GPC6: variants seen among roughly 807,000 people sequenced by gnomAD.
GPC6 encodes glypican-6.
GPC6 carries 14 observed loss-of-function variants against 55.2 expected under a neutral mutation model. The ratio of observed to expected loss-of-function variants is 0.25; its 90% CI spans 0.17 to 0.40. The LOEUF is 0.40. Ranked by LOEUF, GPC6 falls within the 10% of genes least tolerant of loss-of-function variation. The pLI is 1.00. For missense variants in GPC6, 641 were observed against 708.5 expected (o/e 0.90, Z 1.08); for synonymous variants, 278 against 259.6 (o/e 1.07, Z -0.68).
chr13:93,624,952 G>A (rs1018622506), intron 2 of GPC6, among the ~76,000 whole-genome samples: 12 of 152,210 alleles, frequency 7.9e-5, no homozygotes, highest in African/African-American at 2.9e-4. Context: ...GGAAAACCAA[G>A]CTCTGAGAGA....
intron 2 of GPC6, among the ~76,000 whole-genome samples, chr13:93,799,452 A>C (rs1327309457): frequency 1.3e-5 from 2 of 152,224 alleles, no homozygotes; most frequent in African/African-American, 4.8e-5. Context: ...TTTAGGCTAG[A>C]TACTTCTGTT....
At chr13:94,034,514 A>G (rs1239847247) in intron 4 of GPC6, among the ~76,000 whole-genome samples, 1 of 152,124 alleles carries the variant, frequency 6.6e-6, no homozygotes, top group Non-Finnish European at 1.5e-5. Flanking sequence ...CAGAAGCACA[A>G]TTTCTATTTT....
Position 93,397,368 on chromosome 13 carries a change from C to T in GPC6, c.161-147895C>T, listed in dbSNP as rs140128345. ...ATCTAATAAGTGTAAAGTGATATCT[C>T]ACTGTGGTTTTTATTTAGATTTCCC... On this transcript the variant is annotated intron_variant, in intron 1 of 8. Coordinates refer to ENST00000377047, the MANE Select transcript of GPC6 (RefSeq NM_005708.5). Among the ~76,000 whole-genome samples the T allele has an allele frequency of 1.3e-3, 195 of 152,256 alleles. 1 individual carries two copies. The highest frequency in any genetic ancestry group is 4.6e-3 in the African/African-American group (190 of 41,548).
chr13:93,533,181 G>A (rs1252889027), intron 1 of GPC6, among the ~76,000 whole-genome samples: 2 of 152,112 alleles, frequency 1.3e-5, no homozygotes, highest in Non-Finnish European at 2.9e-5. Context: ...TTAAGGAAAT[G>A]AACTGGAACA....
At chr13:94,104,183 C>G (rs1246985104) in intron 4 of GPC6, among the ~76,000 whole-genome samples, 1 of 152,132 alleles carries the variant, frequency 6.6e-6, no homozygotes, top group East Asian at 1.9e-4. Context: ...TGTCGAAATT[C>G]AGATGGTTGT....
At chr13:93,335,382 G>A (rs746595934) in intron 1 of GPC6, among the ~76,000 whole-genome samples, 1 of 151,968 alleles carries the variant, frequency 6.6e-6, no homozygotes. Context: ...TTTCATTTGG[G>A]TATCCCAACA....
At chr13:93,373,812 T>A (rs1336615264) in intron 1 of GPC6, among the ~76,000 whole-genome samples, 2 of 152,230 alleles carry the variant, frequency 1.3e-5, no homozygotes, top group African/African-American at 2.4e-5. Flanking sequence ...TTACATGATG[T>A]TAAATAAAGA....
At chr13:93,237,581 C>G (rs1417361320) in intron 1 of GPC6, among the ~76,000 whole-genome samples, 1 of 152,028 alleles carries the variant, frequency 6.6e-6, no homozygotes, top group Non-Finnish European at 1.5e-5. Context: ...TTAAGTCTAA[C>G]TTATGTATTT....
At chr13:94,381,742 G>T (rs1168266327) in intron 6 of GPC6, among the ~76,000 whole-genome samples, 1 of 152,212 alleles carries the variant, frequency 6.6e-6, no homozygotes, top group Non-Finnish European at 1.5e-5. Flanking sequence ...CAAGTGAAAA[G>T]TCAGTGTTCA....
chr13:94,292,807 C>G (rs1875064046), intron 5 of GPC6, among the ~76,000 whole-genome samples: 1 of 152,098 alleles, frequency 6.6e-6, no homozygotes, highest in Admixed American at 6.6e-5. Context: ...TTATTCTCAC[C>G]AAGTATGTTC....
intron 2 of GPC6, among the ~76,000 whole-genome samples, chr13:93,725,551 A>G (rs1883605163): frequency 1.3e-5 from 2 of 152,040 alleles, no homozygotes; most frequent in Admixed American, 6.6e-5. Flanking sequence ...AAAAATAGAG[A>G]GAGTAGATTT....
chr13:93,764,924 C>T (rs553678157), intron 2 of GPC6, among the ~76,000 whole-genome samples: 14 of 152,150 alleles, frequency 9.2e-5, no homozygotes, highest in African/African-American at 2.2e-4. Context: ...CTCAGCCTCC[C>T]GAGTAGCTGG....
chr13:93,433,665 C>T (rs1442708319), intron 1 of GPC6, among the ~76,000 whole-genome samples: 3 of 151,900 alleles, frequency 2.0e-5, no homozygotes, highest in Non-Finnish European at 4.4e-5. Context: ...AATAACCTTG[C>T]TAACATTGAA....
At chr13:94,380,623 C>T (rs1399900579) in intron 6 of GPC6, among the ~76,000 whole-genome samples, 2 of 152,136 alleles carry the variant, frequency 1.3e-5, no homozygotes, top group Non-Finnish European at 2.9e-5. Flanking sequence ...GGAAATTATA[C>T]CCCTTTCATT....
intron 1 of GPC6, among the ~76,000 whole-genome samples, chr13:93,382,297 C>T (rs1875214312): frequency 6.6e-6 from 1 of 152,038 alleles, no homozygotes; most frequent in African/African-American, 2.4e-5. Context: ...ATTTTTATTC[C>T]TCCTTAAGCG....
At chr13:94,205,779 T>C (rs564482418) in intron 4 of GPC6, among the ~76,000 whole-genome samples, 10 of 152,328 alleles carry the variant, frequency 6.6e-5, no homozygotes, top group Admixed American at 2.6e-4. Flanking sequence ...CATTAAAGAG[T>C]ATTTCAACTG....
intron 2 of GPC6, among the ~76,000 whole-genome samples, chr13:93,589,665 CTGTAA>C (rs1485513597): frequency 6.6e-6 from 1 of 152,170 alleles, no homozygotes; most frequent in Non-Finnish European, 1.5e-5. Context: ...CACATAACCT[CTGTAA>C]ATGTCAGTTT....
chr13:94,106,643 G>A (rs1337367896), intron 4 of GPC6, among the ~76,000 whole-genome samples: 2 of 152,098 alleles, frequency 1.3e-5, no homozygotes. Flanking sequence ...TAAGAGTGCA[G>A]AAAAGAGTTG....
At chr13:93,395,045 C>A (rs1875792152) in intron 1 of GPC6, 5 of 258,558 alleles carry the variant, frequency 1.9e-5, no homozygotes, top group South Asian at 1.1e-4. Flanking sequence ...CTTCATGGGT[C>A]CAAAATGTGA....
Sources: allele counts gnomAD v4.1 joint callset (sites outside exome capture counted in the v4.1 genomes callset), GRCh38; gene constraint gnomAD v4.1.1; transcripts MANE v1.5; gene names NCBI Gene and HGNC (gene_info 2026-07-23, HGNC 2026-07-21).